CREM: variants seen among roughly 807,000 people sequenced by gnomAD.
CREM encodes the protein cAMP responsive element modulator, also known as cAMP-responsive element modulator.
CREM carries 13 observed loss-of-function variants against 37.3 expected under a neutral mutation model. That is an observed-to-expected ratio of 0.35 (90% CI 0.23 to 0.55). CREM has a LOEUF of 0.55. Among genes scored for constraint, CREM ranks in the 20% least tolerant of loss-of-function variants. The pLI, the probability that CREM is intolerant of heterozygous loss-of-function variation, is 0.88. For missense variants in CREM, 296 were observed against 362.3 expected (o/e 0.82, Z 1.49); for synonymous variants, 124 against 120.2 (o/e 1.03, Z -0.21).
At chr10:35,157,582 G>C (rs1007714404) in intron 3 of CREM, among the ~76,000 whole-genome samples, 1 of 147,066 alleles carries the variant, frequency 6.8e-6, no homozygotes, top group East Asian at 2.0e-4. Context: ...GTTGCAATGA[G>C]CCAAGATCAT....
chr10:35,199,807 G>A (rs576196764), intron 6 of CREM, among the ~76,000 whole-genome samples: 5 of 151,478 alleles, frequency 3.3e-5, no homozygotes, highest in Admixed American at 1.3e-4. Flanking sequence ...GCAGTGTCAC[G>A]TGAGTACATG....
At chr10:35,132,182 T>C (rs1390233700) in intron 1 of CREM, among the ~76,000 whole-genome samples, 3 of 129,388 alleles carry the variant, frequency 2.3e-5, no homozygotes, top group African/African-American at 6.0e-5. Flanking sequence ...TCCTGGGTGA[T>C]AGAGCGAGAC....
At chr10:35,199,593 A>G (rs2095322283) in intron 6 of CREM, among the ~76,000 whole-genome samples, 1 of 152,168 alleles carries the variant, frequency 6.6e-6, no homozygotes, top group African/African-American at 2.4e-5. Flanking sequence ...TCACTAGGAA[A>G]CCATGTTCAA....
chr10:35,199,341 C>T (rs534094722), intron 6 of CREM, among the ~76,000 whole-genome samples: 51 of 152,118 alleles, frequency 3.4e-4, no homozygotes, highest in African/African-American at 1.1e-3. Context: ...AAATGCATAA[C>T]GAAATGTAAT....
intron 3 of CREM, among the ~76,000 whole-genome samples, chr10:35,162,208 A>C (rs573041822): frequency 3.9e-5 from 6 of 152,336 alleles, no homozygotes; most frequent in African/African-American, 1.4e-4. Context: ...TCATGTGTGG[A>C]GTCTAAAAAG....
chr10:35,174,362 A>T (rs1385442242), intron 3 of CREM, among the ~76,000 whole-genome samples: 1 of 152,174 alleles, frequency 6.6e-6, no homozygotes, highest in Non-Finnish European at 1.5e-5. Flanking sequence ...AGTTTTATTA[A>T]TTCTATTTTC....
chr10:35,181,253 A>G (rs1241946150), intron 5 of CREM, among the ~76,000 whole-genome samples: 1 of 152,224 alleles, frequency 6.6e-6, no homozygotes, highest in Admixed American at 6.5e-5. Context: ...TTCACATCTC[A>G]GGTTTTAGTC....
chr10:35,130,767 T>C (rs904032990), intron 1 of CREM, among the ~76,000 whole-genome samples: 12 of 152,184 alleles, frequency 7.9e-5, no homozygotes, highest in African/African-American at 2.9e-4. Flanking sequence ...TTGGCATAGG[T>C]GTGTAGTCGG....
chr10:35,153,995 G>A (rs2092747597), intron 3 of CREM: 1 of 397,646 alleles, frequency 2.5e-6, no homozygotes, highest in Non-Finnish European at 4.4e-6. Flanking sequence ...TTTGCCAAAA[G>A]TGACTGACTC....
chr10:35,190,947 C>T (rs976843851), intron 6 of CREM, among the ~76,000 whole-genome samples: 2 of 152,148 alleles, frequency 1.3e-5, no homozygotes, highest in Admixed American at 6.6e-5. Context: ...CAGGCATGAG[C>T]CACCATGCCC....
chr10:35,183,137 A>G (rs1057215900), intron 5 of CREM, among the ~76,000 whole-genome samples: 11 of 152,108 alleles, frequency 7.2e-5, no homozygotes, highest in Non-Finnish European at 1.6e-4. Context: ...TTTCCCACAA[A>G]TGGCCCTTGT....
intron 3 of CREM, chr10:35,175,830 C>G: frequency 6.2e-7 from 1 of 1,601,802 alleles, no homozygotes; most frequent in Non-Finnish European, 8.5e-7. Context: ...AGCTTTAATC[C>G]TCAATGGTGA....
chr10:35,195,881 TAGTC>T, intron 6 of CREM: 3 of 605,966 alleles, frequency 5.0e-6, no homozygotes, highest in Non-Finnish European at 8.8e-6. Flanking sequence ...TGTTGTGATT[TAGTC>T]AGTTCCTTTC....
intron 7 of CREM, among the ~76,000 whole-genome samples, chr10:35,210,053 A>G (rs2095630059): frequency 6.6e-6 from 1 of 151,262 alleles, no homozygotes; most frequent in Non-Finnish European, 1.5e-5. Flanking sequence ...ACTCAGTGAG[A>G]GTCAGCTATC....
intron 1 of CREM, among the ~76,000 whole-genome samples, chr10:35,135,024 C>G (rs944575439): frequency 3.5e-5 from 5 of 144,810 alleles, no homozygotes; most frequent in Non-Finnish European, 7.5e-5. Flanking sequence ...GGCGACAGAG[C>G]AAGACTCAGT....
At chr10:35,197,718 A>G (rs2134104240) in intron 6 of CREM, among the ~76,000 whole-genome samples, 1 of 152,266 alleles carries the variant, frequency 6.6e-6, no homozygotes, top group African/African-American at 2.4e-5. Flanking sequence ...CGGCGTCCCA[A>G]AGTGCTGGGA....
intron 5 of CREM, among the ~76,000 whole-genome samples, chr10:35,187,082 ATAATATATAATATATATG>A (rs1262423961): frequency 4.0e-4 from 19 of 47,978 alleles, no homozygotes; most frequent in Admixed American, 1.2e-3. Context: ...AATAATATAT[ATAATATATAATATATATG>A]ATATATATTA....
chr10:35,196,865 C>CTTTATTTTTTTT (rs2095197501), intron 6 of CREM, among the ~76,000 whole-genome samples: 1 of 108,942 alleles, frequency 9.2e-6, no homozygotes, highest in African/African-American at 3.5e-5. Context: ...ACGCTGTGTA[C>CTTTATTTTTTTT]TTTTTTTTTT....
At chr10:35,131,740 A>T (rs913976830) in intron 1 of CREM, among the ~76,000 whole-genome samples, 1 of 152,218 alleles carries the variant, frequency 6.6e-6, no homozygotes, top group Non-Finnish European at 1.5e-5. Flanking sequence ...AAGCTAATTC[A>T]GGTAGTTTAT....
Sources: gnomAD v4.1 joint callset for allele counts (sites outside exome capture counted in the v4.1 genomes callset) on GRCh38, gnomAD v4.1.1 for gene constraint, MANE v1.5 for transcripts, NCBI Gene and HGNC (gene_info 2026-07-23, HGNC 2026-07-21) for gene names.